BLTP1: variants seen among roughly 807,000 people sequenced by gnomAD.
The protein encoded by BLTP1 is bridge-like lipid transfer protein family member 1, also known as fragile site-associated protein.
the BLTP1 span, chr4:122,298,581 A>G: frequency 2.4e-6 from 2 of 838,118 alleles, no homozygotes; most frequent in South Asian, 1.1e-4. Flanking sequence ...CTTTAAAAAC[A>G]TATGACCCCA....
chr4:122,355,670 A>C, the BLTP1 span: 1 of 802,582 alleles, frequency 1.2e-6, no homozygotes, highest in Non-Finnish European at 1.8e-6. Flanking sequence ...GTATATCTAT[A>C]TATAATGTGA....
At chr4:122,202,743 G>T in the BLTP1 span, among the ~76,000 whole-genome samples, 1 of 151,788 alleles carries the variant, frequency 6.6e-6, no homozygotes, top group East Asian at 1.9e-4. Flanking sequence ...ATATTATTTT[G>T]TACTAGCACT....
chr4:122,184,722 T>C, the BLTP1 span: 2 of 985,294 alleles, frequency 2.0e-6, no homozygotes, highest in Non-Finnish European at 2.4e-6. Flanking sequence ...ACTGGTACTA[T>C]ACAGTCACAG....
chr4:122,362,569 G>GTAAC, the BLTP1 span: 1 of 171,966 alleles, frequency 5.8e-6, no homozygotes, highest in Non-Finnish European at 1.2e-5. Flanking sequence ...TGGATTGGCC[G>GTAAC]TAACTTTTAG....
chr4:122,197,243 A>G, the BLTP1 span: 1 of 1,489,768 alleles, frequency 6.7e-7, no homozygotes, highest in Non-Finnish European at 9.0e-7. Flanking sequence ...CATATTTAGA[A>G]ATTAATATTC....
At chr4:122,354,566 T>C in the BLTP1 span, among the ~76,000 whole-genome samples, 17 of 152,164 alleles carry the variant, frequency 1.1e-4, no homozygotes, top group African/African-American at 4.1e-4. Flanking sequence ...TTTGGGTTTA[T>C]AGTATTGCTT....
chr4:122,274,559 C>A, the BLTP1 span: 2 of 1,412,612 alleles, frequency 1.4e-6, no homozygotes, highest in South Asian at 3.1e-5. Flanking sequence ...TACTGAGAAT[C>A]CTGTCGTTAA....
At chr4:122,344,700 C>T in the BLTP1 span, 165 of 1,207,002 alleles carry the variant, frequency 1.4e-4, no homozygotes, top group East Asian at 4.0e-3. Flanking sequence ...GAGGAATGCC[C>T]AGCCTACGGT....
the BLTP1 span, among the ~76,000 whole-genome samples, chr4:122,302,786 TTGAA>T: frequency 6.6e-6 from 1 of 152,222 alleles, no homozygotes; most frequent in Non-Finnish European, 1.5e-5. Flanking sequence ...TGGAGAAAGT[TTGAA>T]TGGTGTGGAT....
the BLTP1 span, chr4:122,224,456 A>T: frequency 6.4e-7 from 1 of 1,572,004 alleles, no homozygotes; most frequent in Non-Finnish European, 8.6e-7. Context: ...TTATAATGTG[A>T]TTTTCTTATA....
At chr4:122,229,276 GT>G in the BLTP1 span, 4 of 1,505,422 alleles carry the variant, frequency 2.7e-6, no homozygotes, top group Non-Finnish European at 2.7e-6. Flanking sequence ...GTGCTTTTTC[GT>G]TTTTACTAAA....
chr4:122,338,852 A>G, the BLTP1 span, among the ~76,000 whole-genome samples: 4 of 152,166 alleles, frequency 2.6e-5, no homozygotes, highest in Non-Finnish European at 5.9e-5. Context: ...TGGCTCCTCA[A>G]ATATTTAGGT....
chr4:122,286,347 A>G, the BLTP1 span: 1 of 702,350 alleles, frequency 1.4e-6, no homozygotes, highest in East Asian at 1.3e-4. Flanking sequence ...CTGGCTTAAT[A>G]ATACTTGCTG....
the BLTP1 span, among the ~76,000 whole-genome samples, chr4:122,319,824 C>T: frequency 1.3e-5 from 2 of 152,092 alleles, no homozygotes; most frequent in African/African-American, 4.8e-5. Context: ...CAGGTGTGAG[C>T]CACCATGCCT....
chr4:122,247,042 TTGGTG>T, the BLTP1 span: 2 of 1,335,678 alleles, frequency 1.5e-6, no homozygotes, highest in Non-Finnish European at 2.0e-6. Flanking sequence ...TTTACTACTA[TTGGTG>T]TATAATAGTA....
At chr4:122,289,212 T>TA in the BLTP1 span, 1 of 1,529,716 alleles carries the variant, frequency 6.5e-7, no homozygotes, top group Non-Finnish European at 9.0e-7. Context: ...TCTAGTACCT[T>TA]ATAGTATAGG....
the BLTP1 span, chr4:122,270,401 T>C: frequency 2.1e-6 from 2 of 966,962 alleles, no homozygotes; most frequent in Non-Finnish European, 2.5e-6. Flanking sequence ...AGCTGGTTTA[T>C]AGAAATTTGA....
the BLTP1 span, chr4:122,274,395 G>A: frequency 6.2e-7 from 1 of 1,605,120 alleles, no homozygotes; most frequent in East Asian, 2.3e-5. Flanking sequence ...ATATTGGTGG[G>A]GTTAATATTG....
At chr4:122,228,647 A>C in the BLTP1 span, among the ~76,000 whole-genome samples, 1 of 152,176 alleles carries the variant, frequency 6.6e-6, no homozygotes, top group Non-Finnish European at 1.5e-5. Flanking sequence ...AAACATCATA[A>C]AAATCTGTGT....
Sources: allele counts gnomAD v4.1 joint callset (sites outside exome capture counted in the v4.1 genomes callset), GRCh38; gene constraint gnomAD v4.1.1; transcripts MANE v1.5; gene names NCBI Gene and HGNC (gene_info 2026-07-23, HGNC 2026-07-21).